LIG1: variants seen among roughly 807,000 people sequenced by gnomAD.
The protein encoded by LIG1 is ligase I, DNA, ATP-dependent.
A neutral mutation model predicts 115.7 loss-of-function variants in LIG1; 70 were observed. The ratio of observed to expected loss-of-function variants is 0.60; its 90% CI spans 0.50 to 0.74. LIG1 has a LOEUF of 0.74. LIG1 is among the 30% of genes least tolerant of loss of function. The pLI, the probability that LIG1 is intolerant of heterozygous loss-of-function variation, is 0.00. For synonymous variants in LIG1, 487 were observed against 495.3 expected (o/e 0.98, Z 0.22); for missense variants, 1,115 against 1,225.6 (o/e 0.91, Z 1.35).
intron 11 of LIG1, among the ~76,000 whole-genome samples, chr19:48,140,416 T>C (rs2122681359): frequency 6.6e-6 from 1 of 152,306 alleles, no homozygotes; most frequent in Admixed American, 6.5e-5. Flanking sequence ...ACCTTTAAGC[T>C]GTCCTTGTTC....
chr19:48,163,169 T>C (rs1436256826), intron 2 of LIG1, among the ~76,000 whole-genome samples: 1 of 151,952 alleles, frequency 6.6e-6, no homozygotes, highest in African/African-American at 2.4e-5. Context: ...CCACCCACCC[T>C]GGCCTCCCAA....
rs528603322 is a variant in LIG1 at position 48,122,248 on chromosome 19, C to G, written c.2232+686G>C. The G allele has an allele frequency of 6.4e-6, 1 of 155,842 alleles. No homozygotes were observed. Among genetic ancestry groups the G allele is most frequent in the African/African-American group, 2.4e-5 (1 of 41,480 alleles). The allele number at this position is 155,842 out of a possible 1,614,324, so 9.7% of individuals were successfully genotyped here. The stretch of plus-strand genomic sequence containing the variant: ...GCCCTCAACACACCCGTCCTCCACT[C>G]GAGGGGAAACCCCAGGAGCTTCGCA... On this transcript the variant is annotated intron_variant, in intron 23 of 27. Coordinates refer to ENST00000263274, the MANE Select transcript of LIG1 (RefSeq NM_000234.3). This position sits in a 1 kb window ranked among gnomAD's most constrained non-coding sequence, Gnocchi z 4.3.
In LIG1 at chr19:48,127,306, C is replaced by G; in HGVS notation, c.1975G>C (p.Ala659Pro). 1 of 1,613,828 alleles carries G rather than the reference C, an allele frequency of 6.2e-7. No homozygotes were observed. Among genetic ancestry groups the G allele is most frequent in the Non-Finnish European group, 8.5e-7 (1 of 1,179,986 alleles). The change falls in exon 21 of 28, where the codon GCC (alanine) becomes CCC (proline). Residue 659 changes from alanine (A) to proline (P), a missense_variant. Transcript: ENST00000263274. ...CCATTGAGGTAGATGAGGTCGAAGG[C>G]GTACAAACACACCTGCACCTGGATC... ...SEIQVQVCLY[A>P]FDLIYLNGES... is the part of the protein sequence containing the mutation.
intron 1 of LIG1, 58 bp from the exon 2 acceptor site, chr19:48,165,681 A>C: frequency 3.4e-6 from 4 of 1,194,028 alleles, no homozygotes; most frequent in Non-Finnish European, 5.0e-6. Flanking sequence ...ATCTAAACAC[A>C]CATAAAACCC....
intron 17 of LIG1, 118 bp from the exon 18 acceptor site, chr19:48,133,215 C>A: frequency 4.0e-6 from 3 of 743,464 alleles, no homozygotes; most frequent in Admixed American, 2.0e-5. Context: ...TATTCAGTCA[C>A]GAAGCCTCCC....
intron 9 of LIG1, among the ~76,000 whole-genome samples, chr19:48,145,749 G>A (rs779493110): frequency 6.6e-6 from 1 of 152,180 alleles, no homozygotes; most frequent in Non-Finnish European, 1.5e-5. Context: ...GCCTGAGCAT[G>A]GCATTAAAAA....
intron 4 of LIG1, among the ~76,000 whole-genome samples, chr19:48,158,708 C>G (rs1485069774): frequency 6.6e-6 from 1 of 152,252 alleles, no homozygotes; most frequent in Non-Finnish European, 1.5e-5. Flanking sequence ...CTGGATCCCA[C>G]TGACAGTTTT....
chr19:48,163,212 C>T (rs757015751), intron 2 of LIG1, among the ~76,000 whole-genome samples: 2 of 132,472 alleles, frequency 1.5e-5, no homozygotes, highest in Non-Finnish European at 3.4e-5. Flanking sequence ...GCCCCCGCGC[C>T]CAGCCTAAAA....
At position 48,131,072 on chromosome 19, in the gene LIG1, C is replaced by A; in HGVS notation, c.1821+4G>T. On this transcript the variant is annotated splice_donor_region_variant and intron_variant, in intron 19 of 27. Transcript: ENST00000263274. Reference sequence around the variant, plus strand: ...CAGAGTGCAAGTGTGTGGCAGACGCCCACCTTGGGGATGCGGCTGATGATG... The same window carrying A: ...CAGAGTGCAAGTGTGTGGCAGACGCACACCTTGGGGATGCGGCTGATGATG... 1 of 1,613,268 alleles carries A rather than the reference C, an allele frequency of 6.2e-7. No individual in the cohort carries two copies. Among genetic ancestry groups the A allele is most frequent in the Non-Finnish European group, 8.5e-7 (1 of 1,179,212 alleles).
At chr19:48,169,533 G>T (rs1168306780) in intron 1 of LIG1, 1 of 152,668 alleles carries the variant, frequency 6.6e-6, no homozygotes, top group East Asian at 1.9e-4. Context: ...GCATACATTA[G>T]GCCAGACGTC....
chr19:48,122,881 G>C lies in LIG1; in HGVS notation c.2232+53C>G. ...GGCTCGAAATCCACTGCCTAGCTGG[G>C]ACAGACCTCCAGACCCGGGGTGGAG... On this transcript the variant is annotated intron_variant, in intron 23 of 27. Coordinates refer to ENST00000263274, the MANE Select transcript of LIG1 (RefSeq NM_000234.3). The surrounding 1 kb of genome is among the most constrained non-coding windows in gnomAD (Gnocchi z 4.3). The C allele has an allele frequency of 6.5e-7, 1 of 1,533,368 alleles. No homozygotes were observed. Among genetic ancestry groups the C allele is most frequent in the South Asian group, 1.1e-5 (1 of 89,450 alleles). 95.0% of individuals were successfully genotyped at this position (1,533,368 alleles called of 1,614,324 possible). A position where few individuals can be genotyped will look rare whatever the true frequency, so the allele number is the denominator to read the frequency against.
chr19:48,160,927 G>T (rs968797609), intron 4 of LIG1, among the ~76,000 whole-genome samples: 1 of 151,942 alleles, frequency 6.6e-6, no homozygotes, highest in East Asian at 1.9e-4. Context: ...TGTAGAGATG[G>T]GGTCTCGCTA....
intron 1 of LIG1, among the ~76,000 whole-genome samples, chr19:48,167,491 C>T (rs1298101356): frequency 1.3e-5 from 2 of 152,072 alleles, no homozygotes; most frequent in Non-Finnish European, 2.9e-5. Context: ...CAGCCTTGGC[C>T]GCCACATGTT....
chr19:48,130,706 A>T (rs920735244), intron 19 of LIG1, among the ~76,000 whole-genome samples: 2 of 152,166 alleles, frequency 1.3e-5, no homozygotes, highest in African/African-American at 4.8e-5. Flanking sequence ...GTGTTAACTC[A>T]AGCTAGAATC....
intron 12 of LIG1, among the ~76,000 whole-genome samples, chr19:48,138,357 T>A (rs891828454): frequency 6.6e-6 from 1 of 152,172 alleles, no homozygotes; most frequent in Non-Finnish European, 1.5e-5. Flanking sequence ...CCTATCGAGA[T>A]AACGCCCTAA....
chr19:48,167,405 T>C (rs1308461967), intron 1 of LIG1, among the ~76,000 whole-genome samples: 1 of 152,066 alleles, frequency 6.6e-6, no homozygotes, highest in African/African-American at 2.4e-5. Flanking sequence ...CTTCAACCCA[T>C]GGGGTCCCCT....
intron 24 of LIG1, chr19:48,120,766 T>C (rs1428145788): frequency 1.1e-5 from 4 of 352,004 alleles, no homozygotes; most frequent in African/African-American, 6.7e-5. Flanking sequence ...TGCAGCCACA[T>C]TGTGATGATG....
chr19:48,143,933 G>A lies in LIG1; in HGVS notation c.807C>T (p.Ala269=). ...CTTCCACGGGATGATAGTTGTTCTT[G>A]GCAGGATTGTAACCAGATGGATCCA... The part of the protein sequence containing the change: ...GPLDPSGYNP[A]KNNYHPVEDA... The change falls in exon 10 of 28, where the codon GCC becomes GCT. Residue 269 remains alanine (A), a synonymous_variant. Transcript: ENST00000263274. 3 of 1,614,050 alleles carry A rather than the reference G, an allele frequency of 1.9e-6. No individual in the cohort carries two copies. The highest frequency in any genetic ancestry group is 2.5e-6 in the Non-Finnish European group (3 of 1,179,964).
chr19:48,120,846 A>G, intron 24 of LIG1: 2 of 825,926 alleles, frequency 2.4e-6, no homozygotes, highest in South Asian at 6.1e-5. Context: ...GAGGAACCTG[A>G]ATCCCTAATG....
Sources: gnomAD v4.1 joint callset for allele counts (sites outside exome capture counted in the v4.1 genomes callset) on GRCh38, gnomAD v4.1.1 for gene constraint, Gnocchi (gnomAD v3.1) non-coding constraint, MANE v1.5 for transcripts, NCBI Gene and HGNC (gene_info 2026-07-23, HGNC 2026-07-21) for gene names.